The following BCAS2 variants were observed in gnomAD, a reference collection of about 807,000 sequenced individuals.
The protein encoded by BCAS2 is BCAS2 pre-mRNA processing factor, also known as pre-mRNA-splicing factor SPF27.
BCAS2 carries 34 observed loss-of-function variants against 35.3 expected under a neutral mutation model. The observed-to-expected ratio is 0.96, with a 90% CI of 0.73 to 1.28. The LOEUF is 1.28. Among genes scored for constraint, BCAS2 ranks in the 50% most tolerant of loss-of-function variants. The probability of loss-of-function intolerance (pLI) is 0.00; values close to 1 mark genes in which losing one functional copy is unlikely to be tolerated. For missense variants in BCAS2, 221 were observed against 268.1 expected (o/e 0.82, Z 1.23); for synonymous variants, 75 against 91.6 (o/e 0.82, Z 1.03).
At chr1:114,575,819 G>C (rs973469473) in intron 3 of BCAS2, 68 bp from the exon 4 acceptor site, 15 of 1,528,688 alleles carry the variant, frequency 9.8e-6, no homozygotes, top group Middle Eastern at 1.9e-4. Flanking sequence ...CTTCTCAGTA[G>C]AATGTCCCAT....
intron 4 of BCAS2, among the ~76,000 whole-genome samples, chr1:114,575,080 C>A (rs2101628704): frequency 6.6e-6 from 1 of 151,314 alleles, no homozygotes; most frequent in East Asian, 1.9e-4. Flanking sequence ...CCATGTTGGC[C>A]AGGCTGGTTT....
intron 4 of BCAS2, among the ~76,000 whole-genome samples, chr1:114,573,805 A>G (rs1654700613): frequency 6.6e-6 from 1 of 152,170 alleles, no homozygotes; most frequent in Admixed American, 6.5e-5. Flanking sequence ...GGCTTTGTAG[A>G]GTTTCCCAAA....
Position 114,581,313 on chromosome 1 carries a change from A to T in BCAS2, c.172T>A (p.Tyr58Asn), listed in dbSNP as rs1175684293. 6.8e-6 allele frequency: 11 copies of T among 1,614,188 alleles called. No homozygotes were observed. The highest frequency in any genetic ancestry group is 8.5e-6 in the Non-Finnish European group (10 of 1,180,010). The change falls in exon 2 of 7, where the codon TAT (tyrosine) becomes AAT (asparagine). Residue 58 changes from tyrosine to asparagine, a missense_variant. By Grantham distance (143) the Tyr-to-Asn change is moderately radical. Transcript: ENST00000369541. ...GACATACTTACTTCAAAGGCAGAAT[A>T]ATCCGGGGCTGTCAGGTAGCTCAGG... ...NYLSYLTAPD[Y>N]SAFETDIMRN... is the part of the protein sequence containing the mutation.
At position 114,568,285 on chromosome 1, in the gene BCAS2, A is replaced by T. The variant is rs562187762; in HGVS notation, c.552-29T>A. On this transcript the variant is annotated intron_variant, in intron 6 of 6. Transcript: ENST00000369541. ...GAATGGGGGGGAAGAAAAGAAAAAA[A>T]TTACTCAATGTAAAACTTCTCTTAG... is the stretch of plus-strand genomic sequence containing the variant. The T allele has an allele frequency of 3.9e-4, 619 of 1,605,034 alleles. 9 individuals carry two copies. The South Asian group carries it at 6.2e-3, about 16-fold the overall frequency.
intron 4 of BCAS2, among the ~76,000 whole-genome samples, chr1:114,572,192 C>T (rs1423323072): frequency 6.6e-6 from 1 of 152,164 alleles, no homozygotes; most frequent in African/African-American, 2.4e-5. Flanking sequence ...ATTCTCCTAC[C>T]TCTACTGACT....
chr1:114,580,860 G>A (rs1052906874), intron 2 of BCAS2, among the ~76,000 whole-genome samples: 8 of 152,000 alleles, frequency 5.3e-5, no homozygotes, highest in Non-Finnish European at 1.0e-4. Flanking sequence ...GTATACACTT[G>A]GATATGGTTT....
chr1:114,570,785 T>C, intron 4 of BCAS2, 35 bp from the exon 5 acceptor site: 2 of 1,397,550 alleles, frequency 1.4e-6, no homozygotes, highest in Non-Finnish European at 2.0e-6. Flanking sequence ...TTAAAATACA[T>C]TAAAATAGTA....
At chr1:114,581,225 G>T in intron 2 of BCAS2, 74 bp downstream of exon 2, 1 of 1,494,024 alleles carries the variant, frequency 6.7e-7, no homozygotes, top group Non-Finnish European at 9.3e-7. Flanking sequence ...GTTAAAACTG[G>T]AATTTAAAGC....
At chr1:114,569,695 T>C (rs1414916839) in intron 6 of BCAS2, among the ~76,000 whole-genome samples, 1 of 149,680 alleles carries the variant, frequency 6.7e-6, no homozygotes, top group East Asian at 2.0e-4. Flanking sequence ...AAAAGGAGAA[T>C]AAAGGTAGAG....
intron 4 of BCAS2, among the ~76,000 whole-genome samples, chr1:114,575,036 CTTTT>C (rs546575497): frequency 7.1e-6 from 1 of 140,270 alleles, no homozygotes; most frequent in Non-Finnish European, 1.6e-5. Flanking sequence ...GCCGGCTAAT[CTTTT>C]TTTTTTTTTT....
chr1:114,576,648 AC>A, intron 3 of BCAS2, 39 bp downstream of exon 3: 1 of 1,483,424 alleles, frequency 6.7e-7, no homozygotes, highest in Non-Finnish European at 9.4e-7. Flanking sequence ...TTACTGAGTT[AC>A]TACAAACTAA....
chr1:114,574,314 CCTT>C (rs1223334798), intron 4 of BCAS2, among the ~76,000 whole-genome samples: 1 of 152,178 alleles, frequency 6.6e-6, no homozygotes, highest in Non-Finnish European at 1.5e-5. Flanking sequence ...AGGTGCTTTG[CCTT>C]CTTGTTTTAG....
rs1291836134 is a variant in BCAS2, at chr1:114,575,594, T to C, written c.415A>G (p.Asn139Asp). 6.3e-7 allele frequency: 1 copy of C among 1,594,062 alleles called. No homozygotes were observed. Among genetic ancestry groups the C allele is most frequent in the Non-Finnish European group, 8.5e-7 (1 of 1,175,328 alleles). Reference sequence around the variant, plus strand: ...GATGAAGAAAAAGGTTCTTACTCATTGTATACTTTCCAGGCATTACATCCA... The same window carrying C: ...GATGAAGAAAAAGGTTCTTACTCATCGTATACTTTCCAGGCATTACATCCA... The part of the protein sequence containing the change: ...QHGCNAWKVY[N>D]ENLVHMIEHA... Residue 139 changes from asparagine to aspartate, a missense_variant, in exon 4 of 7, where the codon AAT becomes GAT. Physicochemically the swap from Asn to Asp is conservative, Grantham distance 23 (BLOSUM62 1). Transcript: ENST00000369541.
intron 6 of BCAS2, among the ~76,000 whole-genome samples, chr1:114,569,255 G>A (rs1358049833): frequency 6.6e-6 from 1 of 151,960 alleles, no homozygotes; most frequent in East Asian, 1.9e-4. Context: ...AAGCGTGAAA[G>A]GGTACCAACG....
At chr1:114,570,828 G>T in intron 4 of BCAS2, 78 bp from the exon 5 acceptor site, 1 of 1,015,168 alleles carries the variant, frequency 9.9e-7, no homozygotes, top group Non-Finnish European at 1.5e-6. Context: ...AAGTTTTTCT[G>T]CCAAAAATCA....
At position 114,580,022 on chromosome 1, in the gene BCAS2, C is replaced by T. The variant is rs138283677; in HGVS notation, c.186+1277G>A. Among the ~76,000 whole-genome samples, 624 of 151,236 alleles carry T rather than the reference C, an allele frequency of 4.1e-3. 6 individuals are homozygous for T. Among genetic ancestry groups the T allele is most frequent in the Non-Finnish European group, 6.1e-3 (411 of 67,926 alleles). On this transcript the variant is annotated intron_variant, in intron 2 of 6. Transcript: ENST00000369541. ...CATGGCTCACTGTAGCAGTCTTGAACTCCCAGGCTCAAGTGATCCTCCCAC... is the reference window on the plus strand; with the variant it reads ...CATGGCTCACTGTAGCAGTCTTGAATTCCCAGGCTCAAGTGATCCTCCCAC...
chr1:114,581,212 A>G (rs1298533127), intron 2 of BCAS2, 87 bp downstream of exon 2: 3 of 1,341,704 alleles, frequency 2.2e-6, no homozygotes. Flanking sequence ...TATGCAGGCA[A>G]TGGTTAAAAC....
At chr1:114,569,885 C>A in intron 6 of BCAS2, 107 bp downstream of exon 6, 2 of 834,856 alleles carry the variant, frequency 2.4e-6, no homozygotes, top group Non-Finnish European at 3.9e-6. Flanking sequence ...AATAGCATTT[C>A]TTTGTTACCT....
intron 6 of BCAS2, among the ~76,000 whole-genome samples, chr1:114,568,530 T>C (rs112578395): frequency 0.026 from 3,882 of 152,026 alleles, 178 homozygotes; most frequent in African/African-American, 0.088. Flanking sequence ...CACAGCTGGC[T>C]ACTTTTTTGT....
Sources: gnomAD v4.1 joint callset for allele counts (sites outside exome capture counted in the v4.1 genomes callset) on GRCh38, gnomAD v4.1.1 for gene constraint, MANE v1.5 for transcripts, NCBI Gene and HGNC (gene_info 2026-07-23, HGNC 2026-07-21) for gene names.